CDH13: variants seen among roughly 807,000 people sequenced by gnomAD.
CDH13 encodes cadherin-13.
A neutral mutation model predicts 63.8 loss-of-function variants in CDH13; 24 were observed. That is an observed-to-expected ratio of 0.38 (90% confidence interval 0.27 to 0.53). The LOEUF (loss-of-function observed/expected upper bound fraction) is 0.53. Ranked by LOEUF, CDH13 falls within the 20% of genes least tolerant of loss-of-function variation. The probability of loss-of-function intolerance (pLI) is 0.85; values close to 1 mark genes in which losing one functional copy is unlikely to be tolerated. For missense variants in CDH13, 1,049 were observed against 903.1 expected, an observed-to-expected ratio of 1.16 and a Z score of -2.07; for synonymous variants, 503 against 355.3, an observed-to-expected ratio of 1.42 and a Z score of -4.67.
chr16:82,772,204 A>G (rs1435678534), intron 1 of CDH13, among the ~76,000 whole-genome samples: 1 of 152,176 alleles, frequency 6.6e-6, no homozygotes, highest in Non-Finnish European at 1.5e-5. Context: ...CACCATGGAA[A>G]TTGGCCAACA....
At chr16:83,172,505 G>C (rs1939365488) in intron 4 of CDH13, among the ~76,000 whole-genome samples, 1 of 151,658 alleles carries the variant, frequency 6.6e-6, no homozygotes, top group African/African-American at 2.4e-5. Context: ...GAAAAAAAAA[G>C]CTAAAAACAC....
chr16:82,889,617 T>C (rs1267996784), intron 2 of CDH13, among the ~76,000 whole-genome samples: 2 of 152,222 alleles, frequency 1.3e-5, no homozygotes, highest in Non-Finnish European at 2.9e-5. Context: ...TGCTGGTTGA[T>C]CAAATGTTGC....
At chr16:83,249,589 G>A (rs7187371) in intron 5 of CDH13, among the ~76,000 whole-genome samples, 151,817 of 152,332 alleles carry the variant, frequency 1, 75,654 homozygotes, top group Non-Finnish European at 1. Context: ...AGGCAAATGG[G>A]CACTCAGAGA....
intron 7 of CDH13, among the ~76,000 whole-genome samples, chr16:83,520,177 A>G (rs575413128): frequency 6.6e-6 from 1 of 152,334 alleles, no homozygotes; most frequent in African/African-American, 2.4e-5. Context: ...TGACAGAATA[A>G]GTCAATGACT....
chr16:83,376,188 T>A (rs567202908), intron 6 of CDH13, among the ~76,000 whole-genome samples: 23 of 152,312 alleles, frequency 1.5e-4, no homozygotes, highest in African/African-American at 4.3e-4. Context: ...TCGCCCTTCA[T>A]AAAAGTATTG....
intron 5 of CDH13, among the ~76,000 whole-genome samples, chr16:83,331,088 A>C (rs2090471143): frequency 6.6e-6 from 1 of 152,234 alleles, no homozygotes; most frequent in Admixed American, 6.5e-5. Flanking sequence ...GATTCTGAGA[A>C]GGTGACTGAG....
intron 3 of CDH13, among the ~76,000 whole-genome samples, chr16:83,098,886 A>G (rs2034335656): frequency 6.6e-6 from 1 of 152,218 alleles, no homozygotes; most frequent in South Asian, 2.1e-4. Context: ...AATGCTGGGA[A>G]AAAAGGTTAA....
chr16:82,840,079 C>A (rs572985123), intron 1 of CDH13, among the ~76,000 whole-genome samples: 82 of 152,138 alleles, frequency 5.4e-4, no homozygotes, highest in Admixed American at 4.8e-3. Flanking sequence ...TAGTTCAAAA[C>A]CTGACAAAGG....
chr16:82,825,644 C>G (rs1204692681), intron 1 of CDH13: 2 of 150,614 alleles, frequency 1.3e-5, no homozygotes, highest in African/African-American at 4.9e-5. Flanking sequence ...CTCCTGGGTT[C>G]AGGGAATTCT....
At chr16:83,329,157 T>C (rs909574782) in intron 5 of CDH13, among the ~76,000 whole-genome samples, 2 of 152,214 alleles carry the variant, frequency 1.3e-5, no homozygotes, top group African/African-American at 2.4e-5. Context: ...ATGCTTGTGG[T>C]TGAATTTCAG....
intron 1 of CDH13, among the ~76,000 whole-genome samples, chr16:82,655,313 G>A (rs1911172840): frequency 6.6e-6 from 1 of 152,202 alleles, no homozygotes; most frequent in Non-Finnish European, 1.5e-5. Context: ...AAAGTGTGAC[G>A]AAGGTGCTCC....
At chr16:83,358,970 A>T (rs1567615444) in intron 6 of CDH13, among the ~76,000 whole-genome samples, 1 of 152,186 alleles carries the variant, frequency 6.6e-6, no homozygotes, top group Non-Finnish European at 1.5e-5. Flanking sequence ...CCAATAATGC[A>T]CACCATGATG....
At chr16:82,790,390 G>A (rs903625874) in intron 1 of CDH13, among the ~76,000 whole-genome samples, 29 of 152,068 alleles carry the variant, frequency 1.9e-4, no homozygotes, top group African/African-American at 6.3e-4. Flanking sequence ...AGCCAAGATC[G>A]CACCACTGCA....
chr16:82,981,707 C>G (rs1410815956), intron 2 of CDH13, among the ~76,000 whole-genome samples: 1 of 152,112 alleles, frequency 6.6e-6, no homozygotes, highest in African/African-American at 2.4e-5. Context: ...CTTGCAAGTG[C>G]TTTTATGTTT....
intron 2 of CDH13, among the ~76,000 whole-genome samples, chr16:82,922,110 T>C (rs4616278): frequency 0.37 from 56,187 of 151,742 alleles, 11,516 homozygotes; most frequent in Non-Finnish European, 0.47. Context: ...AGTGGTGGTA[T>C]GCCCTTTGTT....
intron 1 of CDH13, among the ~76,000 whole-genome samples, chr16:82,812,795 C>T (rs1366156584): frequency 6.6e-6 from 1 of 151,752 alleles, no homozygotes; most frequent in East Asian, 1.9e-4. Context: ...ATTTCCTTTC[C>T]TTCTCTTCCT....
chr16:83,170,736 G>C (rs1477924946), intron 4 of CDH13, among the ~76,000 whole-genome samples: 1 of 152,112 alleles, frequency 6.6e-6, no homozygotes, highest in East Asian at 1.9e-4. Flanking sequence ...GAGTAAAATG[G>C]AAAGTCCAAG....
intron 1 of CDH13, among the ~76,000 whole-genome samples, chr16:82,683,146 G>A (rs1194867896): frequency 6.6e-6 from 1 of 152,210 alleles, no homozygotes; most frequent in Non-Finnish European, 1.5e-5. Context: ...AGGAAAATAA[G>A]TCGTAGATCA....
intron 6 of CDH13, among the ~76,000 whole-genome samples, chr16:83,379,919 G>GTATATATATATA (rs747045728): frequency 3.8e-4 from 48 of 126,420 alleles, no homozygotes; most frequent in African/African-American, 1.2e-3. Flanking sequence ...ATGTGTGTGT[G>GTATATATATATA]TATATATATA....
Sources: allele counts gnomAD v4.1 joint callset (sites outside exome capture counted in the v4.1 genomes callset), GRCh38; gene constraint gnomAD v4.1.1; transcripts MANE v1.5; gene names NCBI Gene and HGNC (gene_info 2026-07-23, HGNC 2026-07-21).